The following FRAS1 variants were observed in gnomAD, a reference collection of about 807,000 sequenced individuals.
FRAS1 encodes extracellular matrix organizing protein FRAS1.
FRAS1 carries 290 observed loss-of-function variants against 435.2 expected under a neutral mutation model. The ratio of observed to expected loss-of-function variants is 0.67; its 90% CI spans 0.61 to 0.73. The LOEUF is 0.73. Ranked by LOEUF, FRAS1 falls within the 30% of genes least tolerant of loss-of-function variation. The pLI is 0.00. For missense variants in FRAS1, 4,860 were observed against 5,001.5 expected, an observed-to-expected ratio of 0.97 and a Z score of 0.85; for synonymous variants, 1,800 against 1,851.0, an observed-to-expected ratio of 0.97 and a Z score of 0.71.
At chr4:78,429,336 T>C in intron 36 of FRAS1, 110 bp downstream of exon 36, 1 of 1,355,242 alleles carries the variant, frequency 7.4e-7, no homozygotes, top group East Asian at 2.5e-5. Context: ...CTTCCAGAAG[T>C]TGCCTGCATT....
intron 69 of FRAS1, among the ~76,000 whole-genome samples, chr4:78,526,108 C>T (rs1313985656): frequency 6.6e-6 from 1 of 152,154 alleles, no homozygotes; most frequent in Admixed American, 6.5e-5. Context: ...CTGACACTAT[C>T]ACATCTTCAG....
At chr4:78,171,318 T>G (rs1261593206) in intron 2 of FRAS1, among the ~76,000 whole-genome samples, 2 of 152,192 alleles carry the variant, frequency 1.3e-5, no homozygotes, top group Non-Finnish European at 2.9e-5. Flanking sequence ...TCTGCCAGAA[T>G]GGAGATTTGA....
At chr4:78,423,301 G>A (rs112981285) in intron 34 of FRAS1, among the ~76,000 whole-genome samples, 4,102 of 151,996 alleles carry the variant, frequency 0.027, 193 homozygotes, top group African/African-American at 0.093. Context: ...CGAGTAGCTG[G>A]GATTACAGAT....
intron 61 of FRAS1, among the ~76,000 whole-genome samples, chr4:78,506,000 G>A (rs2109879740): frequency 6.6e-6 from 1 of 152,298 alleles, no homozygotes; most frequent in African/African-American, 2.4e-5. Flanking sequence ...TCAGCTGCAG[G>A]TCTGTTGGAG....
chr4:78,069,481 G>A (rs1740226882), intron 2 of FRAS1, among the ~76,000 whole-genome samples: 1 of 152,140 alleles, frequency 6.6e-6, no homozygotes. Flanking sequence ...GAACAGTCAT[G>A]GCCCTGGCGG....
intron 14 of FRAS1, among the ~76,000 whole-genome samples, chr4:78,307,295 G>A (rs1560642959): frequency 6.6e-6 from 1 of 152,240 alleles, no homozygotes; most frequent in Non-Finnish European, 1.5e-5. Context: ...ATTTAAGTCT[G>A]CAGAGGTTAT....
intron 22 of FRAS1, among the ~76,000 whole-genome samples, chr4:78,366,523 A>G (rs1032593624): frequency 6.6e-6 from 1 of 152,242 alleles, no homozygotes; most frequent in African/African-American, 2.4e-5. Context: ...ATGTAGACCC[A>G]GAGCCAATGG....
At position 78,312,179 on chromosome 4, in the gene FRAS1, CAT is replaced by C. The variant is rs10526590; in HGVS notation, c.1679-3396_1679-3395del. Among the ~76,000 whole-genome samples, 37 of 128,566 alleles carry C rather than the reference CAT, an allele frequency of 2.9e-4. 1 individual carries two copies. Among genetic ancestry groups the C allele is most frequent in the South Asian group, 9.0e-4 (4 of 4,454 alleles). The allele number at this position is 128,566 out of a possible 152,430, so 84.3% of individuals were successfully genotyped here. A position where few individuals can be genotyped will look rare whatever the true frequency, so the allele number is the denominator to read the frequency against. On this transcript the variant is annotated intron_variant, in intron 15 of 73. Transcript: ENST00000512123. ...TTAGGTTGTCGAGCCATCTGAAGTC[CAT>C]ATATATATATATATATATGGGTTTA...
chr4:78,507,624 C>A lies in FRAS1; in HGVS notation c.9504+16C>A. 6.4e-7 allele frequency: 1 copy of A among 1,572,076 alleles called. No homozygotes were observed. The highest frequency in any genetic ancestry group is 1.2e-5 in the South Asian group (1 of 82,174). ...ACCACCCATTGTGAGTTGCTTGACC[C>A]AAAGGATTGCTGTTTTACGTCTCAG... On this transcript the variant is annotated intron_variant, in intron 62 of 73. Transcript: ENST00000512123.
intron 41 of FRAS1, chr4:78,444,109 C>T: frequency 2.2e-6 from 1 of 447,450 alleles, no homozygotes; most frequent in South Asian, 1.6e-5. Context: ...CCTGCCTTGG[C>T]CTCCCAAAGT....
intron 2 of FRAS1, among the ~76,000 whole-genome samples, chr4:78,119,735 A>T (rs1718903180): frequency 6.6e-6 from 1 of 152,196 alleles, no homozygotes; most frequent in Admixed American, 6.6e-5. Context: ...AGTTCTGAGG[A>T]TGCTAATTCA....
chr4:78,159,747 G>A (rs966112842), intron 2 of FRAS1, among the ~76,000 whole-genome samples: 1 of 152,100 alleles, frequency 6.6e-6, no homozygotes, highest in Non-Finnish European at 1.5e-5. Context: ...CAGGCATGGT[G>A]GTATGTGCCT....
At chr4:78,410,979 A>G (rs1398464903) in intron 31 of FRAS1, among the ~76,000 whole-genome samples, 2 of 152,228 alleles carry the variant, frequency 1.3e-5, no homozygotes, top group African/African-American at 4.8e-5. Context: ...GTGGTTAGCA[A>G]ATTTTCCCAT....
intron 38 of FRAS1, among the ~76,000 whole-genome samples, chr4:78,436,200 C>G (rs912793539): frequency 6.6e-6 from 1 of 152,188 alleles, no homozygotes; most frequent in South Asian, 2.1e-4. Context: ...GAAAAATAAG[C>G]AAGAGACATG....
intron 2 of FRAS1, among the ~76,000 whole-genome samples, chr4:78,189,040 C>T (rs1351485138): frequency 6.6e-6 from 1 of 152,004 alleles, no homozygotes; most frequent in Non-Finnish European, 1.5e-5. Context: ...TAGGTGAGAC[C>T]CAGACTAAGG....
chr4:78,507,573 G>T lies in FRAS1; in HGVS notation c.9469G>T (p.Ala3157Ser). The change falls in exon 62 of 74, where the codon GCA becomes TCA. Residue 3157 changes from alanine (A) to serine (S), a missense_variant. Ala to Ser is a moderately conservative substitution (Grantham distance 99). Coordinates refer to ENST00000512123, the MANE Select transcript of FRAS1 (RefSeq NM_025074.7). The stretch of plus-strand genomic sequence containing the variant: ...CACGGTGACAATTCTAGACCAGGAG[G>T]CAGCAGGGAGCCTCATATTGCCAGC... The part of the protein sequence containing the change: ...TATVTILDQE[A>S]AGSLILPAPP... The T allele has an allele frequency of 6.2e-7, 1 of 1,604,564 alleles. No homozygotes were observed. Among genetic ancestry groups the T allele is most frequent in the East Asian group, 2.2e-5 (1 of 44,484 alleles).
intron 2 of FRAS1, among the ~76,000 whole-genome samples, chr4:78,236,287 C>CATTTATTTATTT (rs34452198): frequency 1.6e-4 from 23 of 142,810 alleles, no homozygotes; most frequent in Non-Finnish European, 3.4e-4. Flanking sequence ...GAAATAGTTG[C>CATTTATTTATTT]ATTTATTTAT....
chr4:78,360,675 G>C (rs574246749), intron 20 of FRAS1, among the ~76,000 whole-genome samples: 13 of 152,258 alleles, frequency 8.5e-5, no homozygotes, highest in South Asian at 2.1e-4. Flanking sequence ...CGGGCAGAGT[G>C]GGGTAGTGAC....
rs931781726 is a variant in FRAS1 at position 78,521,772 on chromosome 4, C to T, written c.10648+142C>T. 5 of 556,576 alleles carry T rather than the reference C, an allele frequency of 9.0e-6. No homozygotes were observed. The African/African-American group carries it at 9.7e-5, about 11-fold the overall frequency. The allele number at this position is 556,576 out of a possible 1,614,324, so 34.5% of individuals were successfully genotyped here. On this transcript the variant is annotated intron_variant, in intron 68 of 73. Transcript: ENST00000512123. ...ACATCCATGTGCACATACATCCATC[C>T]ATACATATCTTTTTTTGTCACACCG...
Sources: gnomAD v4.1 joint callset for allele counts (sites outside exome capture counted in the v4.1 genomes callset) on GRCh38, gnomAD v4.1.1 for gene constraint, MANE v1.5 for transcripts, NCBI Gene and HGNC (gene_info 2026-07-23, HGNC 2026-07-21) for gene names.